Variants in LSAMP observed in about 807,000 individuals in gnomAD.
LSAMP encodes the protein limbic system associated membrane protein.
Under a neutral mutation model 38.6 loss-of-function variants are expected in LSAMP, and 7 were observed. The ratio of observed to expected loss-of-function variants is 0.18; its 90% CI spans 0.10 to 0.34. LSAMP has a LOEUF of 0.34. Ranked by LOEUF, LSAMP falls within the 10% of genes least tolerant of loss-of-function variation. The pLI, the probability that LSAMP is intolerant of heterozygous loss-of-function variation, is 1.00. For synonymous variants in LSAMP, 154 were observed against 166.8 expected, an observed-to-expected ratio of 0.92 and a Z score of 0.59; for missense variants, 313 against 420.0, an observed-to-expected ratio of 0.75 and a Z score of 2.23.
chr3:116,353,098 G>C (rs1026664678), intron 1 of LSAMP, among the ~76,000 whole-genome samples: 1 of 152,052 alleles, frequency 6.6e-6, no homozygotes, highest in African/African-American at 2.4e-5. Flanking sequence ...GATTAGCTAG[G>C]ATCTGACCTC....
rs377090033 is a variant in LSAMP, at chr3:115,842,434, G to T, written c.770+24C>A. The T allele has an allele frequency of 6.2e-6, 10 of 1,611,604 alleles. No individual in the cohort carries two copies. In the Admixed American group the frequency reaches 8.3e-5, roughly 13 times the overall value. On this transcript the variant is annotated intron_variant, in intron 5 of 6. Coordinates refer to ENST00000490035, the MANE Select transcript of LSAMP (RefSeq NM_002338.5). ...CCCAGGCCCATGCAGTGGAGTCATGGGGGATGGTAGGTTTGGCACATACCT... is the reference window on the plus strand; with the variant it reads ...CCCAGGCCCATGCAGTGGAGTCATGTGGGATGGTAGGTTTGGCACATACCT...
At chr3:116,097,313 T>C (rs986421703) in intron 1 of LSAMP, among the ~76,000 whole-genome samples, 1 of 152,202 alleles carries the variant, frequency 6.6e-6, no homozygotes. Flanking sequence ...CAATCCACAA[T>C]GCACTTAGGA....
intron 3 of LSAMP, among the ~76,000 whole-genome samples, chr3:115,902,187 A>G (rs565653273): frequency 2.6e-5 from 4 of 152,198 alleles, no homozygotes; most frequent in Admixed American, 1.3e-4. Context: ...TGCATTCTAG[A>G]AGCTACCAAA....
chr3:115,979,496 T>C (rs540775522), intron 3 of LSAMP, among the ~76,000 whole-genome samples: 43 of 152,150 alleles, frequency 2.8e-4, no homozygotes, highest in African/African-American at 5.1e-4. Context: ...CAGGATTCAG[T>C]TGATATGAGA....
chr3:116,103,793 T>A (rs956691136), intron 1 of LSAMP, among the ~76,000 whole-genome samples: 1 of 152,086 alleles, frequency 6.6e-6, no homozygotes, highest in Non-Finnish European at 1.5e-5. Flanking sequence ...GAGTCCCTAA[T>A]TTATTTTTTC....
chr3:116,169,809 C>T (rs1710152362), intron 1 of LSAMP, among the ~76,000 whole-genome samples: 1 of 152,194 alleles, frequency 6.6e-6, no homozygotes, highest in Admixed American at 6.6e-5. Flanking sequence ...TCTCGCCACT[C>T]ATGCTGTTGA....
intron 3 of LSAMP, among the ~76,000 whole-genome samples, chr3:115,988,490 T>C (rs1220536409): frequency 6.6e-6 from 1 of 152,090 alleles, no homozygotes; most frequent in Non-Finnish European, 1.5e-5. Flanking sequence ...AAGAGAAATA[T>C]GAGGTCTCAC....
At chr3:116,381,872 C>A (rs1399778162) in intron 1 of LSAMP, among the ~76,000 whole-genome samples, 1 of 152,000 alleles carries the variant, frequency 6.6e-6, no homozygotes, top group Non-Finnish European at 1.5e-5. Context: ...TAGGATCATA[C>A]AATATGGACT....
At chr3:116,017,552 T>C (rs758484011) in intron 3 of LSAMP, among the ~76,000 whole-genome samples, 1 of 152,098 alleles carries the variant, frequency 6.6e-6, no homozygotes, top group Non-Finnish European at 1.5e-5. Flanking sequence ...AACTTCTACA[T>C]AGCTTGTTTA....
chr3:116,108,551 T>G (rs1416399082), intron 1 of LSAMP, among the ~76,000 whole-genome samples: 1 of 152,096 alleles, frequency 6.6e-6, no homozygotes, highest in Non-Finnish European at 1.5e-5. Flanking sequence ...TGGTCTACGG[T>G]GTTTCCGAGG....
At chr3:115,871,605 G>A (rs1467252531) in intron 3 of LSAMP, among the ~76,000 whole-genome samples, 1 of 145,078 alleles carries the variant, frequency 6.9e-6, no homozygotes, top group South Asian at 2.1e-4. Flanking sequence ...GTGTGTGTGT[G>A]TGTGTGTGTG....
intron 1 of LSAMP, among the ~76,000 whole-genome samples, chr3:116,379,062 G>A (rs984294200): frequency 6.7e-6 from 1 of 150,332 alleles, no homozygotes; most frequent in Non-Finnish European, 1.5e-5. Flanking sequence ...ATTGATTCTT[G>A]AGAACAGCAT....
chr3:116,237,744 G>T lies in LSAMP; in HGVS notation c.156-151188C>A, dbSNP rs184768153. 1.4e-4 allele frequency among the ~76,000 whole-genome samples: 21 copies of T among 152,248 alleles called. 1 individual carries two copies. Among genetic ancestry groups the T allele is most frequent in the African/African-American group, 3.9e-4 (16 of 41,546 alleles). Reference sequence around the variant, plus strand: ...AGAGGTCGCACATCTTATTGACCAGGACTCAAACACACGCCATTCAACTCT... The same window carrying T: ...AGAGGTCGCACATCTTATTGACCAGTACTCAAACACACGCCATTCAACTCT... On this transcript the variant is annotated intron_variant, in intron 1 of 6. Coordinates refer to ENST00000490035, the MANE Select transcript of LSAMP (RefSeq NM_002338.5).
At chr3:116,051,247 G>C (rs142904499) in intron 2 of LSAMP, 1 of 152,146 alleles carries the variant, frequency 6.6e-6, no homozygotes, top group Non-Finnish European at 1.5e-5. Flanking sequence ...TTAGCCTCCC[G>C]TACATTTGGC....
chr3:115,877,354 T>G (rs1436979173), intron 3 of LSAMP, among the ~76,000 whole-genome samples: 1 of 152,150 alleles, frequency 6.6e-6, no homozygotes, highest in Non-Finnish European at 1.5e-5. Flanking sequence ...GAAATGTGTT[T>G]GTGGAAGATA....
intron 1 of LSAMP, among the ~76,000 whole-genome samples, chr3:116,350,076 T>C (rs867026739): frequency 1.3e-5 from 2 of 152,034 alleles, no homozygotes; most frequent in Non-Finnish European, 1.5e-5. Flanking sequence ...TGTACATATG[T>C]TACTTTGGAT....
intron 2 of LSAMP, among the ~76,000 whole-genome samples, chr3:116,029,331 A>G (rs952749662): frequency 1.3e-5 from 2 of 152,160 alleles, no homozygotes; most frequent in Non-Finnish European, 1.5e-5. Flanking sequence ...TTACTGGAAC[A>G]TGATTTCATT....
At chr3:116,038,261 G>T (rs1941090871) in intron 2 of LSAMP, among the ~76,000 whole-genome samples, 1 of 152,116 alleles carries the variant, frequency 6.6e-6, no homozygotes, top group Non-Finnish European at 1.5e-5. Flanking sequence ...TAATGCGTGT[G>T]AAATACATGA....
At chr3:116,144,986 G>T (rs1709457311) in intron 1 of LSAMP, among the ~76,000 whole-genome samples, 1 of 151,738 alleles carries the variant, frequency 6.6e-6, no homozygotes, top group Non-Finnish European at 1.5e-5. Context: ...GGTCTATATT[G>T]TTGCTGATGA....
Sources: allele counts gnomAD v4.1 joint callset (sites outside exome capture counted in the v4.1 genomes callset), GRCh38; gene constraint gnomAD v4.1.1; transcripts MANE v1.5; gene names NCBI Gene and HGNC (gene_info 2026-07-23, HGNC 2026-07-21).